KLHL1: variants seen among roughly 807,000 people sequenced by gnomAD.
KLHL1 encodes kelch like family member 1.
In KLHL1, 47 loss-of-function variants were observed where a neutral mutation model predicts 77.7. The ratio of observed to expected loss-of-function variants is 0.60; its 90% CI spans 0.48 to 0.77. The LOEUF is 0.77. KLHL1 is among the 30% of genes least tolerant of loss of function. The pLI is 0.00. For synonymous variants in KLHL1, 360 were observed against 325.2 expected (o/e 1.11, Z -1.15); for missense variants, 925 against 910.8 (o/e 1.02, Z -0.20).
intron 1 of KLHL1, among the ~76,000 whole-genome samples, chr13:70,060,217 T>A (rs1886844688): frequency 6.6e-6 from 1 of 152,192 alleles, no homozygotes; most frequent in Admixed American, 6.5e-5. Flanking sequence ...TAATGAGACA[T>A]CATCTCTCCC....
chr13:69,963,276 T>G (rs958176664), intron 2 of KLHL1, among the ~76,000 whole-genome samples: 1 of 152,162 alleles, frequency 6.6e-6, no homozygotes, highest in African/African-American at 2.4e-5. Flanking sequence ...ACATTTGGGT[T>G]TAATTGTACC....
chr13:70,041,113 C>T (rs550033649), intron 1 of KLHL1, among the ~76,000 whole-genome samples: 1 of 151,862 alleles, frequency 6.6e-6, no homozygotes, highest in African/African-American at 2.4e-5. Flanking sequence ...CTCTTCTATA[C>T]CTTTGCTCAT....
At chr13:69,962,734 A>T (rs1414385022) in intron 2 of KLHL1, among the ~76,000 whole-genome samples, 4 of 151,938 alleles carry the variant, frequency 2.6e-5, no homozygotes, top group Non-Finnish European at 4.4e-5. Context: ...ATAAATCTCT[A>T]ATTTTATTTT....
chr13:70,073,045 C>T (rs933700925), intron 1 of KLHL1, among the ~76,000 whole-genome samples: 32 of 152,120 alleles, frequency 2.1e-4, no homozygotes, highest in Non-Finnish European at 4.0e-4. Flanking sequence ...TTTGACCCAG[C>T]CATCCCATTA....
At position 69,798,388 on chromosome 13, in the gene KLHL1, G is replaced by A. The variant is rs552581899; in HGVS notation, c.1415-1426C>T. Among the ~76,000 whole-genome samples, 30 of 152,052 alleles carry A rather than the reference G, an allele frequency of 2.0e-4. No homozygotes were observed. In the East Asian group the frequency reaches 2.7e-3, roughly 14 times the overall value. ...AAGTTTTGCTAATTAAAGTAAAAAC[G>A]ATACAATTTATGCTCAATTTTTACT... On this transcript the variant is annotated intron_variant, in intron 6 of 10. Coordinates refer to ENST00000377844, the MANE Select transcript of KLHL1 (RefSeq NM_020866.3).
chr13:69,788,359 T>C (rs534621443), intron 7 of KLHL1, among the ~76,000 whole-genome samples: 1 of 152,140 alleles, frequency 6.6e-6, no homozygotes, highest in East Asian at 1.9e-4. Context: ...ACGTCCTTTG[T>C]AGGGACATGG....
At chr13:70,105,618 T>G (rs1888035111) in intron 1 of KLHL1, among the ~76,000 whole-genome samples, 1 of 151,358 alleles carries the variant, frequency 6.6e-6, no homozygotes, top group African/African-American at 2.4e-5. Context: ...GGTGAATTGC[T>G]TAATGTTTCT....
intron 1 of KLHL1, among the ~76,000 whole-genome samples, chr13:70,001,700 C>CATA (rs1885296856): frequency 7.8e-6 from 1 of 128,672 alleles, no homozygotes; most frequent in African/African-American, 2.8e-5. Context: ...TATCTATCAT[C>CATA]TTTCTACTAT....
chr13:69,797,534 A>G (rs943360058), intron 6 of KLHL1, among the ~76,000 whole-genome samples: 4 of 152,094 alleles, frequency 2.6e-5, no homozygotes, highest in Non-Finnish European at 5.9e-5. Context: ...GGAAGAGCTT[A>G]GGCCAGGCGC....
chr13:69,875,987 A>G (rs944352488), intron 5 of KLHL1, among the ~76,000 whole-genome samples: 17 of 152,144 alleles, frequency 1.1e-4, no homozygotes, highest in Non-Finnish European at 2.1e-4. Flanking sequence ...AGTAACAATG[A>G]TTGTTAATGG....
intron 1 of KLHL1, among the ~76,000 whole-genome samples, chr13:70,030,487 A>G (rs1345883856): frequency 6.6e-6 from 1 of 152,250 alleles, no homozygotes; most frequent in Non-Finnish European, 1.5e-5. Flanking sequence ...CTGCTCCTGA[A>G]TGACTACAAG....
chr13:69,933,111 C>G (rs1457867509), intron 4 of KLHL1, among the ~76,000 whole-genome samples: 3 of 152,000 alleles, frequency 2.0e-5, no homozygotes, highest in African/African-American at 7.2e-5. Flanking sequence ...TATACTCACC[C>G]TGACCTTTTC....
At chr13:69,858,083 G>T (rs1424213949) in intron 5 of KLHL1, among the ~76,000 whole-genome samples, 1 of 152,060 alleles carries the variant, frequency 6.6e-6, no homozygotes, top group Admixed American at 6.6e-5. Flanking sequence ...CACGCCCTAA[G>T]GTCAGTTCTG....
intron 1 of KLHL1, among the ~76,000 whole-genome samples, chr13:70,061,277 G>A (rs1566542542): frequency 6.6e-6 from 1 of 151,908 alleles, no homozygotes; most frequent in Non-Finnish European, 1.5e-5. Flanking sequence ...AGCTACACAG[G>A]ACTCACAATT....
chr13:69,981,984 T>A (rs755680653), intron 1 of KLHL1, among the ~76,000 whole-genome samples: 2 of 151,898 alleles, frequency 1.3e-5, no homozygotes, highest in Non-Finnish European at 2.9e-5. Flanking sequence ...AATAGTGACA[T>A]AAAAAGTTTT....
chr13:69,760,459 G>T (rs1287415199), intron 7 of KLHL1, among the ~76,000 whole-genome samples: 1 of 151,928 alleles, frequency 6.6e-6, no homozygotes, highest in Non-Finnish European at 1.5e-5. Context: ...AGTTTCAAGC[G>T]ATTCTCCTGC....
chr13:70,035,451 A>T (rs1192361129), intron 1 of KLHL1, among the ~76,000 whole-genome samples: 1 of 152,006 alleles, frequency 6.6e-6, no homozygotes, highest in Non-Finnish European at 1.5e-5. Flanking sequence ...GTAGTGAGGG[A>T]TTGGGAGGGA....
chr13:69,720,378 C>A (rs557419607), intron 8 of KLHL1, among the ~76,000 whole-genome samples: 1 of 152,140 alleles, frequency 6.6e-6, no homozygotes, highest in South Asian at 2.1e-4. Context: ...TTTACTTATC[C>A]ATTTGCTCAC....
chr13:70,076,673 T>C (rs1373761532), intron 1 of KLHL1, among the ~76,000 whole-genome samples: 1 of 151,822 alleles, frequency 6.6e-6, no homozygotes, highest in Non-Finnish European at 1.5e-5. Flanking sequence ...TAAAACTTTC[T>C]CTCTGTAAAA....
Sources: gnomAD v4.1 joint callset for allele counts (sites outside exome capture counted in the v4.1 genomes callset) on GRCh38, gnomAD v4.1.1 for gene constraint, MANE v1.5 for transcripts, NCBI Gene and HGNC (gene_info 2026-07-23, HGNC 2026-07-21) for gene names.